Variants in NCAPG2 observed in about 807,000 individuals in gnomAD.
NCAPG2 encodes condensin-2 complex subunit G2.
In NCAPG2, 53 loss-of-function variants were observed where a neutral mutation model predicts 141.1. The observed-to-expected ratio is 0.38, with a 90% CI of 0.30 to 0.47. The LOEUF is 0.47. Ranked by LOEUF, NCAPG2 falls within the 20% of genes least tolerant of loss-of-function variation. The pLI is 0.99. For missense variants in NCAPG2, 1,087 were observed against 1,389.0 expected (o/e 0.78, Z 3.46); for synonymous variants, 499 against 490.7 (o/e 1.02, Z -0.22).
intron 8 of NCAPG2, among the ~76,000 whole-genome samples, chr7:158,685,419 T>A (rs1484031225): frequency 6.6e-6 from 1 of 152,202 alleles, no homozygotes; most frequent in Non-Finnish European, 1.5e-5. Context: ...GTAAAATTAC[T>A]TCAATATTAC....
chr7:158,632,669 C>T (rs1829968351), intron 27 of NCAPG2, among the ~76,000 whole-genome samples: 1 of 152,226 alleles, frequency 6.6e-6, no homozygotes, highest in Non-Finnish European at 1.5e-5. Flanking sequence ...TGCTGTCTAC[C>T]ACAGCCCCTG....
intron 13 of NCAPG2, among the ~76,000 whole-genome samples, chr7:158,667,432 C>A (rs1460866886): frequency 3.4e-4 from 41 of 120,476 alleles, no homozygotes; most frequent in African/African-American, 1.2e-3. Context: ...GGTCCCTCCG[C>A]CCTCCTTACC....
chr7:158,647,899 G>T (rs1397170357), intron 24 of NCAPG2, among the ~76,000 whole-genome samples: 1 of 152,000 alleles, frequency 6.6e-6, no homozygotes, highest in Non-Finnish European at 1.5e-5. Flanking sequence ...TGCCTAGGTT[G>T]GCCTCGAACT....
At chr7:158,637,552 A>G (rs1830349637) in intron 27 of NCAPG2, among the ~76,000 whole-genome samples, 1 of 152,292 alleles carries the variant, frequency 6.6e-6, no homozygotes, top group Non-Finnish European at 1.5e-5. Context: ...GTGGGACTCA[A>G]GAGAGTAGGC....
At chr7:158,701,285 T>C (rs556623508) in intron 2 of NCAPG2, among the ~76,000 whole-genome samples, 2 of 152,340 alleles carry the variant, frequency 1.3e-5, no homozygotes, top group East Asian at 1.9e-4. Flanking sequence ...ATATGTCCCT[T>C]TGACATATTT....
intron 9 of NCAPG2, 136 bp from the exon 10 acceptor site, chr7:158,680,952 G>A: frequency 1.7e-6 from 1 of 579,934 alleles, no homozygotes; most frequent in Non-Finnish European, 2.9e-6. Flanking sequence ...CACATGTCAT[G>A]ACAATTCTTC....
Position 158,631,689 on chromosome 7 carries a change from G to C in NCAPG2, c.3409C>G (p.Leu1137Val). The C allele has an allele frequency of 6.2e-7, 1 of 1,601,752 alleles. No homozygotes were observed. The highest frequency in any genetic ancestry group is 1.1e-5 in the South Asian group (1 of 90,586). Residue 1137 changes from leucine to valine, a missense_variant, in exon 28 of 28, where the codon CTG becomes GTG. Coordinates refer to ENST00000356309, the MANE Select transcript of NCAPG2 (RefSeq NM_017760.7). ...GGTTATGAATTCAAAAGTTCTCCCA[G>C]AGTTCTTGATGATGATTCATAGAGA... ...RFLYESSSRT[L>V]GELLNS is the part of the protein sequence containing the mutation.
chr7:158,656,524 A>G, intron 18 of NCAPG2, 28 bp downstream of exon 18: 1 of 1,612,676 alleles, frequency 6.2e-7, no homozygotes, highest in Non-Finnish European at 8.5e-7. Context: ...CACTCACCTA[A>G]TTTTAAGGAA....
intron 24 of NCAPG2, 70 bp from the exon 25 acceptor site, chr7:158,646,633 G>T: frequency 1.8e-6 from 2 of 1,105,052 alleles, no homozygotes; most frequent in East Asian, 2.8e-5. Flanking sequence ...ACATTGCTTT[G>T]GGTTTTCTTC....
chr7:158,641,399 T>C (rs1055902652), intron 27 of NCAPG2: 20 of 487,534 alleles, frequency 4.1e-5, no homozygotes, highest in Non-Finnish European at 6.6e-5. Flanking sequence ...AAAACCACTT[T>C]AAATATAAAG....
intron 13 of NCAPG2, 85 bp downstream of exon 13, chr7:158,671,429 T>C (rs1274724747): frequency 4.7e-6 from 7 of 1,496,074 alleles, no homozygotes; most frequent in African/African-American, 1.4e-5. Flanking sequence ...CAGTTTAAAA[T>C]GTGGAATTAA....
intron 13 of NCAPG2, chr7:158,668,519 G>T: frequency 2.6e-6 from 2 of 783,152 alleles, no homozygotes; most frequent in Non-Finnish European, 3.1e-6. Flanking sequence ...ACAATATGAT[G>T]TCTGGAATTT....
intron 22 of NCAPG2, 49 bp downstream of exon 22, chr7:158,654,546 G>A (rs777111535): frequency 3.2e-5 from 49 of 1,554,134 alleles, no homozygotes; most frequent in Non-Finnish European, 4.3e-5. Context: ...GGGAGGGAGG[G>A]AAGGACTGGT....
intron 22 of NCAPG2, among the ~76,000 whole-genome samples, chr7:158,653,968 G>T (rs1831708663): frequency 6.6e-6 from 1 of 152,134 alleles, no homozygotes. Context: ...AGGGGCTAGG[G>T]GCTAGGCGTC....
At chr7:158,660,337 T>G (rs927074813) in intron 16 of NCAPG2, among the ~76,000 whole-genome samples, 32 of 151,344 alleles carry the variant, frequency 2.1e-4, no homozygotes, top group African/African-American at 5.8e-4. Flanking sequence ...GTGTCCTATA[T>G]GGGCTTCTGT....
intron 11 of NCAPG2, 46 bp downstream of exon 11, chr7:158,679,914 G>A (rs1834339348): frequency 6.2e-7 from 1 of 1,605,834 alleles, no homozygotes; most frequent in Non-Finnish European, 8.5e-7. Context: ...CCACAGCCTG[G>A]ACAAAGCTGA....
intron 2 of NCAPG2, among the ~76,000 whole-genome samples, chr7:158,699,508 T>C (rs535602280): frequency 2.6e-5 from 4 of 152,126 alleles, no homozygotes; most frequent in Non-Finnish European, 4.4e-5. Context: ...GAAACACAAC[T>C]CAGACACCTA....
intron 3 of NCAPG2, 91 bp downstream of exon 3, chr7:158,693,218 T>C: frequency 7.4e-7 from 1 of 1,360,422 alleles, no homozygotes; most frequent in South Asian, 1.3e-5. Context: ...TCAAAATCTG[T>C]CTTAATGTAA....
chr7:158,665,189 C>T (rs1236479741), intron 13 of NCAPG2: 1 of 168,304 alleles, frequency 5.9e-6, no homozygotes. Flanking sequence ...ACTCCTGAAT[C>T]CCTGGGGCTG....
Sources: gnomAD v4.1 joint callset for allele counts (sites outside exome capture counted in the v4.1 genomes callset) on GRCh38, gnomAD v4.1.1 for gene constraint, MANE v1.5 for transcripts, NCBI Gene and HGNC (gene_info 2026-07-23, HGNC 2026-07-21) for gene names.